The following PDE1A variants were observed in gnomAD, a reference collection of about 807,000 sequenced individuals.
PDE1A encodes the protein dual specificity calcium/calmodulin-dependent 3',5'-cyclic nucleotide phosphodiesterase 1A.
In PDE1A, 35 loss-of-function variants were observed where a neutral mutation model predicts 61.7. That is an observed-to-expected ratio of 0.57 (90% CI 0.43 to 0.75). The LOEUF is 0.75. Among genes scored for constraint, PDE1A ranks in the 30% least tolerant of loss-of-function variants. The pLI is 0.00. For synonymous variants in PDE1A, 232 were observed against 213.2 expected, an observed-to-expected ratio of 1.09 and a Z score of -0.77; for missense variants, 597 against 630.6, an observed-to-expected ratio of 0.95 and a Z score of 0.57.
intron 1 of PDE1A, among the ~76,000 whole-genome samples, chr2:182,407,393 ATTT>A: frequency 6.8e-6 from 1 of 147,670 alleles, no homozygotes; most frequent in Admixed American, 6.7e-5. Flanking sequence ...TTTTTTTTTT[ATTT>A]TTTGAGATGG....
At chr2:182,352,862 C>T (rs1188456469) in intron 1 of PDE1A, among the ~76,000 whole-genome samples, 1 of 151,906 alleles carries the variant, frequency 6.6e-6, no homozygotes, top group Non-Finnish European at 1.5e-5. Context: ...ATCAGCCAAT[C>T]GTGCTTCTAA....
chr2:182,580,304 A>G, the PDE1A span, among the ~76,000 whole-genome samples: 1 of 152,174 alleles, frequency 6.6e-6, no homozygotes, highest in Non-Finnish European at 1.5e-5. Flanking sequence ...ATTTCCTCAC[A>G]GTTCTGAAGG....
chr2:182,185,857 G>C (rs1685155049), intron 13 of PDE1A, 35 bp downstream of exon 13: 1 of 1,612,582 alleles, frequency 6.2e-7, no homozygotes, highest in Non-Finnish European at 8.5e-7. Flanking sequence ...TGAAGACAGA[G>C]AGAGATGGCA....
At chr2:182,700,405 T>C in the PDE1A span, among the ~76,000 whole-genome samples, 4 of 151,256 alleles carry the variant, frequency 2.6e-5, no homozygotes. Context: ...GCAAAACCCA[T>C]CTCTACTAAA....
intron 2 of PDE1A, among the ~76,000 whole-genome samples, chr2:182,465,029 GTA>G (rs1686562556): frequency 1.3e-5 from 2 of 152,002 alleles, no homozygotes; most frequent in Non-Finnish European, 2.9e-5. Flanking sequence ...AATATTAAAA[GTA>G]TGTTTTTCTA....
At chr2:182,433,133 T>A (rs1422857804) in intron 2 of PDE1A, among the ~76,000 whole-genome samples, 1 of 151,988 alleles carries the variant, frequency 6.6e-6, no homozygotes. Context: ...GCTTTTGACA[T>A]CCTCACAGGG....
rs370927207 is a variant in PDE1A, at chr2:182,208,316, A to C, written c.777-2251T>G. 4.6e-5 allele frequency among the ~76,000 whole-genome samples: 7 copies of C among 152,270 alleles called. 1 individual carries two copies. Among genetic ancestry groups the C allele is most frequent in the African/African-American group, 1.4e-4 (6 of 41,562 alleles). ...AAACTTACAATCATGATGGAAGGCA[A>C]AGGGGGAAGCAAGGCACATCTTAAA... On this transcript the variant is annotated intron_variant, in intron 7 of 13. Transcript: ENST00000351439.
intron 10 of PDE1A, among the ~76,000 whole-genome samples, chr2:182,198,699 T>C (rs1686349081): frequency 1.3e-5 from 2 of 151,840 alleles, no homozygotes; most frequent in Admixed American, 1.3e-4. Flanking sequence ...CTTACTAAAT[T>C]GCTGGATTTG....
In PDE1A at chr2:182,195,920, T is replaced by C. The variant is rs149921258; in HGVS notation, c.1125+5519A>G. On this transcript the variant is annotated intron_variant, in intron 10 of 13. Transcript: ENST00000351439. The stretch of plus-strand genomic sequence containing the variant: ...GATACATAGACACAGTTCAATATCT[T>C]ATGTCAAATCAGAGAAATGCATACA... Among the ~76,000 whole-genome samples the C allele has an allele frequency of 5.4e-4, 82 of 152,226 alleles. 1 individual carries two copies. The East Asian group carries it at 0.015, about 28-fold the overall frequency.
chr2:182,204,247 G>A (rs371617818), intron 8 of PDE1A, among the ~76,000 whole-genome samples: 2 of 152,166 alleles, frequency 1.3e-5, no homozygotes, highest in African/African-American at 2.4e-5. Flanking sequence ...AAATATCTCA[G>A]AACTTGTCTG....
intron 1 of PDE1A, among the ~76,000 whole-genome samples, chr2:182,416,018 A>G (rs1559440194): frequency 6.6e-6 from 1 of 152,168 alleles, no homozygotes; most frequent in Non-Finnish European, 1.5e-5. Flanking sequence ...CCTGTTCTTA[A>G]TGTCAGTGTC....
At chr2:182,345,201 C>A (rs1208235427) in intron 1 of PDE1A, among the ~76,000 whole-genome samples, 6 of 152,170 alleles carry the variant, frequency 3.9e-5, no homozygotes, top group Non-Finnish European at 7.3e-5. Flanking sequence ...AATTAATAGA[C>A]ATCTAACACT....
At chr2:182,359,593 T>C (rs1232956820) in intron 1 of PDE1A, among the ~76,000 whole-genome samples, 3 of 152,178 alleles carry the variant, frequency 2.0e-5, no homozygotes, top group East Asian at 1.9e-4. Context: ...AGAAAGATTA[T>C]TGATGTCATT....
intron 13 of PDE1A, among the ~76,000 whole-genome samples, chr2:182,176,176 T>C (rs1370716317): frequency 6.7e-6 from 1 of 148,456 alleles, no homozygotes; most frequent in African/African-American, 2.6e-5. Context: ...GGGCTCTTTT[T>C]TGGTTCCATA....
chr2:182,495,836 G>A (rs1688680625), intron 2 of PDE1A, among the ~76,000 whole-genome samples: 1 of 152,140 alleles, frequency 6.6e-6, no homozygotes. Flanking sequence ...AAAAGAAAGA[G>A]CAAAAATATT....
At chr2:182,152,056 A>G (rs1477481779) in intron 13 of PDE1A, among the ~76,000 whole-genome samples, 1 of 152,204 alleles carries the variant, frequency 6.6e-6, no homozygotes, top group Non-Finnish European at 1.5e-5. Flanking sequence ...AAATACCACA[A>G]AATTGGTTTG....
the PDE1A span, among the ~76,000 whole-genome samples, chr2:182,595,995 TA>T: frequency 5.9e-5 from 9 of 152,056 alleles, no homozygotes; most frequent in African/African-American, 2.2e-4. Flanking sequence ...TTTAAAGGAG[TA>T]ACTTAAAGTA....
At chr2:182,688,766 G>C in the PDE1A span, among the ~76,000 whole-genome samples, 2 of 152,214 alleles carry the variant, frequency 1.3e-5, no homozygotes, top group Non-Finnish European at 2.9e-5. Flanking sequence ...CCATCAGTCT[G>C]CTGTATTCAG....
At chr2:182,708,298 G>C in the PDE1A span, among the ~76,000 whole-genome samples, 1 of 152,050 alleles carries the variant, frequency 6.6e-6, no homozygotes, top group Non-Finnish European at 1.5e-5. Context: ...TACGATTCAA[G>C]ATGAGATTTG....
Sources: gnomAD v4.1 joint callset for allele counts (sites outside exome capture counted in the v4.1 genomes callset) on GRCh38, gnomAD v4.1.1 for gene constraint, MANE v1.5 for transcripts, NCBI Gene and HGNC (gene_info 2026-07-23, HGNC 2026-07-21) for gene names.